Variants in NMD3 observed in about 807,000 individuals in gnomAD.
NMD3 encodes 60S ribosomal export protein NMD3.
In NMD3, 47 loss-of-function variants were observed where a neutral mutation model predicts 73.1. The observed-to-expected ratio is 0.64, with a 90% confidence interval of 0.51 to 0.82. The LOEUF (loss-of-function observed/expected upper bound fraction) is 0.82. NMD3 is among the 40% of genes least tolerant of loss of function. NMD3 has a pLI of 0.00. For missense variants in NMD3, 554 were observed against 612.5 expected (o/e 0.90, Z 1.01); for synonymous variants, 210 against 194.5 (o/e 1.08, Z -0.66).
chr3:161,225,004 T>C lies in NMD3; in HGVS notation c.119T>C (p.Val40Ala), dbSNP rs1736256931. ...NICVACLRSKVDISQGIPKQV... is the reference protein window; with the variant it reads ...NICVACLRSKADISQGIPKQV... ...TGTGTGGCCTGTTTGCGAAGTAAAG[T>C]GGACATCAGCCAAGGTATTCCGAAA... Residue 40 changes from valine to alanine, a missense_variant, in exon 3 of 16, where the codon GTG (valine) becomes GCG (alanine). Physicochemically the swap from Val to Ala is moderately conservative, Grantham distance 64 (BLOSUM62 0). Coordinates refer to ENST00000351193, the MANE Select transcript of NMD3 (RefSeq NM_015938.5). 1 of 1,613,998 alleles carries C rather than the reference T, an allele frequency of 6.2e-7. No homozygotes were observed.
chr3:161,233,205 T>C (rs1397091631), intron 4 of NMD3, among the ~76,000 whole-genome samples, 194 bp from the exon 5 acceptor site: 1 of 152,160 alleles, frequency 6.6e-6, no homozygotes, highest in Non-Finnish European at 1.5e-5. Context: ...ATATAGTCAT[T>C]GGGTTGTCCT....
chr3:161,223,370 C>A (rs572613719), intron 2 of NMD3, among the ~76,000 whole-genome samples: 2 of 152,178 alleles, frequency 1.3e-5, no homozygotes, highest in East Asian at 3.9e-4. Flanking sequence ...TTTTCTGCCC[C>A]CAGTACATCT....
At chr3:161,221,958 CTTTTTTTTTTT>C (rs376329329) in intron 1 of NMD3, 25 bp from the exon 2 acceptor site, 19,582 of 866,374 alleles carry the variant, frequency 0.023, 218 homozygotes, top group Non-Finnish European at 0.026. Context: ...CCAACATTCT[CTTTTTTTTTTT>C]TTTTTTTTTT....
rs1315188626 is a variant in NMD3 at position 161,242,492 on chromosome 3, C to T, written c.872-16C>T. The T allele has an allele frequency of 6.2e-7, 1 of 1,606,034 alleles. No homozygotes were observed. Among genetic ancestry groups the T allele is most frequent in the African/African-American group, 1.3e-5 (1 of 74,642 alleles). On this transcript the variant is annotated splice_polypyrimidine_tract_variant and intron_variant, in intron 10 of 15. Coordinates refer to ENST00000351193, the MANE Select transcript of NMD3 (RefSeq NM_015938.5). ...ATAATTTTTCTTATGTTTTTGTGTT[C>T]TATCCTTATTTTTAGTGGCAGATAT...
chr3:161,222,192 A>C (rs1161170910), intron 2 of NMD3, 135 bp downstream of exon 2: 2 of 713,630 alleles, frequency 2.8e-6, no homozygotes, highest in East Asian at 5.1e-5. Context: ...TAGAAGTCTT[A>C]TTTCTGTAGA....
rs558917451 is a variant in NMD3 at position 161,242,162 on chromosome 3, C to T, written c.872-346C>T. On this transcript the variant is annotated intron_variant, in intron 10 of 15. Transcript: ENST00000351193. ...AGAACTAGGCTTTATTTCCCATAAACTAAGCAGCTAAGGTGACAGATACGT... is the reference window on the plus strand; with the variant it reads ...AGAACTAGGCTTTATTTCCCATAAATTAAGCAGCTAAGGTGACAGATACGT... Among the ~76,000 whole-genome samples, 4 of 152,198 alleles carry T rather than the reference C, an allele frequency of 2.6e-5. No homozygotes were observed. The East Asian group carries it at 7.7e-4, about 29-fold the overall frequency.
At chr3:161,227,890 TTATC>T (rs1375941115) in intron 4 of NMD3, among the ~76,000 whole-genome samples, 2 of 152,210 alleles carry the variant, frequency 1.3e-5, no homozygotes, top group African/African-American at 4.8e-5. Flanking sequence ...CCTTTGTTAT[TTATC>T]GAGAATCTCA....
chr3:161,246,886 T>C (rs1737231723), intron 12 of NMD3, among the ~76,000 whole-genome samples: 1 of 152,108 alleles, frequency 6.6e-6, no homozygotes, highest in Non-Finnish European at 1.5e-5. Context: ...CCCTCAAATA[T>C]TGCTTTTGCT....
intron 5 of NMD3, 83 bp from the exon 6 acceptor site, chr3:161,234,644 T>G: frequency 8.3e-7 from 1 of 1,204,570 alleles, no homozygotes; most frequent in Non-Finnish European, 1.2e-6. Flanking sequence ...AGTTTTAAAT[T>G]AAATATTAAA....
At chr3:161,223,521 G>A (rs1736189910) in intron 2 of NMD3, among the ~76,000 whole-genome samples, 1 of 150,468 alleles carries the variant, frequency 6.6e-6, no homozygotes, top group Non-Finnish European at 1.5e-5. Context: ...TGCCTTTGGA[G>A]TATATTGGCG....
At chr3:161,232,901 A>C (rs12489004) in intron 4 of NMD3, among the ~76,000 whole-genome samples, 7,407 of 152,046 alleles carry the variant, frequency 0.049, 474 homozygotes, top group African/African-American at 0.14. Context: ...GCCTATGCAG[A>C]TGCTGCAGAT....
chr3:161,233,331 T>C, intron 4 of NMD3, 68 bp from the exon 5 acceptor site: 1 of 1,040,418 alleles, frequency 9.6e-7, no homozygotes, highest in South Asian at 1.4e-5. Context: ...ATTGATGATT[T>C]GTTCTTTCGT....
intron 11 of NMD3, among the ~76,000 whole-genome samples, chr3:161,245,142 TTG>T (rs35840926): frequency 4.0e-5 from 6 of 149,274 alleles, no homozygotes; most frequent in Admixed American, 6.7e-5. Flanking sequence ...CAGGGTACCC[TTG>T]TGTGTGTGTG....
intron 2 of NMD3, 22 bp from the exon 3 acceptor site, chr3:161,224,908 A>C: frequency 6.4e-7 from 1 of 1,556,124 alleles, no homozygotes; most frequent in Admixed American, 2.1e-5. Context: ...AATGTGAAAA[A>C]TTTATCCTTT....
Position 161,246,383 on chromosome 3 carries a change from A to T in NMD3, c.1065A>T (p.Thr355=). 3 of 1,526,674 alleles carry T rather than the reference A, an allele frequency of 2.0e-6. No individual in the cohort carries two copies. The highest frequency in any genetic ancestry group is 1.8e-6 in the Non-Finnish European group (2 of 1,119,886). 94.6% of individuals were successfully genotyped at this position (1,526,674 alleles called of 1,614,324 possible). Residue 355 remains threonine, a synonymous_variant, in exon 12 of 16, where the codon ACA becomes ACT. Coordinates refer to ENST00000351193, the MANE Select transcript of NMD3 (RefSeq NM_015938.5). ...VWVQKTSEMN[T]DKQYFCRTHL... ...TACAGAAGACATCTGAAATGAATAC[A>T]GATAAACAGTATTTTTGTCGTACTC...
At chr3:161,242,753 G>T in intron 11 of NMD3, 100 bp downstream of exon 11, 1 of 1,134,010 alleles carries the variant, frequency 8.8e-7, no homozygotes, top group East Asian at 2.4e-5. Flanking sequence ...TCCACAGTAT[G>T]GAATCCAAAC....
intron 3 of NMD3, 101 bp downstream of exon 3, chr3:161,225,165 C>A: frequency 8.0e-7 from 1 of 1,253,724 alleles, no homozygotes; most frequent in Non-Finnish European, 1.1e-6. Context: ...GAGTAAAGTG[C>A]ATGCAATTAA....
At position 161,247,318 on chromosome 3, in the gene NMD3, A is replaced by G. The variant is rs746543264; in HGVS notation, c.1191A>G (p.Arg397=). The G allele has an allele frequency of 3.7e-6, 6 of 1,607,734 alleles. No homozygotes were observed. Among genetic ancestry groups the G allele is most frequent in the Non-Finnish European group, 8.5e-7 (1 of 1,174,482 alleles). ...DEHVNKMNSD[R]VPDVVLIKKS... Reference sequence around the variant, plus strand: ...ATGTCAACAAAATGAACTCAGATAGAGTTCCAGATGTGGTAAGGCTTTAGA... The same window carrying G: ...ATGTCAACAAAATGAACTCAGATAGGGTTCCAGATGTGGTAAGGCTTTAGA... The change falls in exon 13 of 16, where the codon AGA becomes AGG. Residue 397 remains arginine, a synonymous_variant. Coordinates refer to ENST00000351193, the MANE Select transcript of NMD3 (RefSeq NM_015938.5).
chr3:161,248,485 G>A (rs142012601), intron 13 of NMD3, among the ~76,000 whole-genome samples: 3,000 of 152,058 alleles, frequency 0.02, 95 homozygotes, highest in African/African-American at 0.069. Flanking sequence ...GCAAGATTCC[G>A]TCTCCAAAAG....
Sources: gnomAD v4.1 joint callset for allele counts (sites outside exome capture counted in the v4.1 genomes callset) on GRCh38, gnomAD v4.1.1 for gene constraint, MANE v1.5 for transcripts, NCBI Gene and HGNC (gene_info 2026-07-23, HGNC 2026-07-21) for gene names.